CASD1: variants seen among roughly 807,000 people sequenced by gnomAD.
The protein encoded by CASD1 is CAS1 domain sialic acid O acetyltransferase 1.
CASD1 carries 41 observed loss-of-function variants against 100.0 expected under a neutral mutation model. The observed-to-expected ratio is 0.41, with a 90% confidence interval of 0.32 to 0.53. CASD1 has a LOEUF of 0.53. Ranked by LOEUF, CASD1 falls within the 20% of genes least tolerant of loss-of-function variation. The pLI is 0.25. For synonymous variants in CASD1, 321 were observed against 315.6 expected (o/e 1.02, Z -0.18); for missense variants, 774 against 948.7 (o/e 0.82, Z 2.42).
In CASD1 at chr7:94,555,771, C is replaced by G; in HGVS notation, c.*13C>G. 6.2e-7 allele frequency: 1 copy of G among 1,604,002 alleles called. No individual in the cohort carries two copies. The highest frequency in any genetic ancestry group is 8.5e-7 in the Non-Finnish European group (1 of 1,176,374). On this transcript the variant is annotated 3_prime_UTR_variant, in exon 18 of 18. Coordinates refer to ENST00000297273, the MANE Select transcript of CASD1 (RefSeq NM_022900.5). Reference sequence around the variant, plus strand: ...ATCAAAACATTAGGTTCCAAAAATTCTAAAAAACCTAAACTCTTCAGGCTA... The same window carrying G: ...ATCAAAACATTAGGTTCCAAAAATTGTAAAAAACCTAAACTCTTCAGGCTA...
At chr7:94,585,429 A>G in the CASD1 span, 1 of 1,425,322 alleles carries the variant, frequency 7.0e-7, no homozygotes, top group Non-Finnish European at 9.9e-7. Context: ...TTATTGGAAG[A>G]GAAAAGAAAT....
At chr7:94,514,220 A>G (rs952154343) in intron 1 of CASD1, among the ~76,000 whole-genome samples, 1 of 152,204 alleles carries the variant, frequency 6.6e-6, no homozygotes, top group Admixed American at 6.5e-5. Context: ...TTAGAGCAAG[A>G]AAGCAGCAGC....
In CASD1 at chr7:94,535,312, C is replaced by G. The variant is rs773121846; in HGVS notation, c.632C>G (p.Pro211Arg). ...TSDVYWVLQD[P>R]VYEDLLSENR... ...TAAAAATGTGTCTCACGTGCAGATC[C>G]TGTTTATGAAGATCTATTAAGTGAA... Residue 211 changes from proline (P) to arginine (R), a missense_variant, in exon 8 of 18, where the codon CCT (proline) becomes CGT (arginine). Physicochemically the swap from Pro to Arg is moderately radical, Grantham distance 103 (BLOSUM62 -2). Transcript: ENST00000297273. 20 of 1,608,030 alleles carry G rather than the reference C, an allele frequency of 1.2e-5. No individual in the cohort carries two copies. The highest frequency in any genetic ancestry group is 1.7e-5 in the Non-Finnish European group (20 of 1,175,618).
chr7:94,594,370 A>G, the CASD1 span: 3 of 152,148 alleles, frequency 2.0e-5, no homozygotes, highest in Admixed American at 6.6e-5. Flanking sequence ...CTACAAAGAT[A>G]ACTAAGTACA....
chr7:94,584,772 T>G, the CASD1 span, among the ~76,000 whole-genome samples: 1 of 152,224 alleles, frequency 6.6e-6, no homozygotes, highest in South Asian at 2.1e-4. Context: ...TCTGGGGTTT[T>G]GGAGCTAACT....
intron 8 of CASD1, among the ~76,000 whole-genome samples, chr7:94,536,697 TTTTGAATGTTTAGGCTTAAATAA>T (rs1795138944): frequency 7.5e-6 from 1 of 134,038 alleles, no homozygotes; most frequent in Non-Finnish European, 1.8e-5. Context: ...ATCTTGATTA[TTTTGAATGTTTAGGCTTAAATAA>T]CTAATCATCT....
chr7:94,536,515 T>C (rs1473746215), intron 8 of CASD1, among the ~76,000 whole-genome samples: 1 of 152,182 alleles, frequency 6.6e-6, no homozygotes, highest in East Asian at 1.9e-4. Flanking sequence ...TCCTGCAGAA[T>C]AATGTGTATG....
chr7:94,548,327 A>G (rs1480468931), intron 13 of CASD1, among the ~76,000 whole-genome samples: 1 of 151,968 alleles, frequency 6.6e-6, no homozygotes, highest in South Asian at 2.1e-4. Context: ...AAAATTTTAA[A>G]TTGTGTATAC....
At chr7:94,586,076 A>C in the CASD1 span, among the ~76,000 whole-genome samples, 5 of 150,370 alleles carry the variant, frequency 3.3e-5, 1 homozygote, top group African/African-American at 9.7e-5. Flanking sequence ...AAAAAAAAAA[A>C]AAAAAAAAAA....
the CASD1 span, chr7:94,627,865 C>T: frequency 1.2e-5 from 3 of 253,828 alleles, no homozygotes; most frequent in Non-Finnish European, 1.6e-5. Context: ...TTTCAATGAA[C>T]ATAAAACTTG....
chr7:94,602,594 AAAC>A, the CASD1 span, among the ~76,000 whole-genome samples: 2 of 152,108 alleles, frequency 1.3e-5, no homozygotes, highest in Non-Finnish European at 2.9e-5. Context: ...AAGAAAAAAA[AAAC>A]AAAGAATTGA....
the CASD1 span, chr7:94,628,139 C>CAT: frequency 1.5e-6 from 1 of 674,318 alleles, no homozygotes; most frequent in Non-Finnish European, 2.1e-6. Context: ...AATTACAATA[C>CAT]ACACACACAC....
chr7:94,632,531 A>G, the CASD1 span, among the ~76,000 whole-genome samples: 1 of 152,086 alleles, frequency 6.6e-6, no homozygotes. Flanking sequence ...AGGCTGCTTC[A>G]CTTTAAGTAT....
chr7:94,626,663 T>A, the CASD1 span: 13 of 152,020 alleles, frequency 8.6e-5, no homozygotes, highest in Non-Finnish European at 1.9e-4. Flanking sequence ...TCTTTTTAAA[T>A]CCTTAGGGAT....
At position 94,555,790 on chromosome 7, in the gene CASD1, C is replaced by T; in HGVS notation, c.*32C>T. 5 of 1,588,784 alleles carry T rather than the reference C, an allele frequency of 3.1e-6. No homozygotes were observed. The highest frequency in any genetic ancestry group is 4.3e-6 in the Non-Finnish European group (5 of 1,167,850). On this transcript the variant is annotated 3_prime_UTR_variant, in exon 18 of 18. Transcript: ENST00000297273. Reference sequence around the variant, plus strand: ...AAAATTCTAAAAAACCTAAACTCTTCAGGCTACCTTTGTGTGTCTCTAGAA... The same window carrying T: ...AAAATTCTAAAAAACCTAAACTCTTTAGGCTACCTTTGTGTGTCTCTAGAA...
the CASD1 span, among the ~76,000 whole-genome samples, chr7:94,586,087 A>AC: frequency 2.7e-5 from 4 of 145,590 alleles, no homozygotes; most frequent in South Asian, 4.4e-4. Flanking sequence ...AAAAAAAAAA[A>AC]CAACAACTTC....
At chr7:94,565,361 C>T in the CASD1 span, among the ~76,000 whole-genome samples, 1 of 152,032 alleles carries the variant, frequency 6.6e-6, no homozygotes, top group South Asian at 2.1e-4. Flanking sequence ...GCTCTGTAAC[C>T]CTAGTTATTA....
chr7:94,539,087 A>G lies in CASD1; in HGVS notation c.1356+31A>G, dbSNP rs779352518. The G allele has an allele frequency of 7.0e-6, 9 of 1,278,888 alleles. No individual in the cohort carries two copies. The East Asian group carries it at 1.9e-4, about 26-fold the overall frequency. The allele number at this position is 1,278,888 out of a possible 1,614,324, so 79.2% of individuals were successfully genotyped here. ...TATTTGGAATTTAAGTTCAGAAAGT[A>G]TAGGAAGTGATGTCATTTTAATGTT... On this transcript the variant is annotated intron_variant, in intron 10 of 17. Coordinates refer to ENST00000297273, the MANE Select transcript of CASD1 (RefSeq NM_022900.5).
At chr7:94,539,561 C>T (rs1795284067) in intron 10 of CASD1, among the ~76,000 whole-genome samples, 1 of 150,362 alleles carries the variant, frequency 6.7e-6, no homozygotes, top group South Asian at 2.1e-4. Flanking sequence ...CCCAGCTACT[C>T]GGAAAGCTGA....
Sources: gnomAD v4.1 joint callset for allele counts (sites outside exome capture counted in the v4.1 genomes callset) on GRCh38, gnomAD v4.1.1 for gene constraint, MANE v1.5 for transcripts, NCBI Gene and HGNC (gene_info 2026-07-23, HGNC 2026-07-21) for gene names.